ADGRL2: variants seen among roughly 807,000 people sequenced by gnomAD.
ADGRL2 encodes calcium-independent alpha-latrotoxin receptor 2.
In ADGRL2, 44 loss-of-function variants were observed where a neutral mutation model predicts 157.4. The ratio of observed to expected loss-of-function variants is 0.28; its 90% CI spans 0.22 to 0.36. The LOEUF (loss-of-function observed/expected upper bound fraction) is 0.36, where lower values mean the gene tolerates loss of function less well. ADGRL2 is among the 10% of genes least tolerant of loss of function. ADGRL2 has a pLI of 1.00. For synonymous variants in ADGRL2, 585 were observed against 624.7 expected, an observed-to-expected ratio of 0.94 and a Z score of 0.95; for missense variants, 1,510 against 1,768.9, an observed-to-expected ratio of 0.85 and a Z score of 2.63.
intron 1 of ADGRL2, among the ~76,000 whole-genome samples, chr1:81,427,922 T>A (rs1184477346): frequency 6.6e-6 from 1 of 152,152 alleles, no homozygotes; most frequent in African/African-American, 2.4e-5. Context: ...TTTCATTTCA[T>A]CAGGTATATT....
chr1:81,911,161 C>T (rs2094711906), intron 3 of ADGRL2, among the ~76,000 whole-genome samples: 1 of 152,034 alleles, frequency 6.6e-6, no homozygotes, highest in Non-Finnish European at 1.5e-5. Context: ...AAGTGTGAAA[C>T]TAAAGGCTCT....
At chr1:81,468,018 T>C (rs367586489) in intron 2 of ADGRL2, among the ~76,000 whole-genome samples, 1 of 152,196 alleles carries the variant, frequency 6.6e-6, no homozygotes, top group East Asian at 1.9e-4. Context: ...CTTAGCTATT[T>C]AAGACTTGAA....
intron 1 of ADGRL2, among the ~76,000 whole-genome samples, chr1:81,374,578 G>GAAAAAAAAACAACAAA (rs1553158623): frequency 3.1e-5 from 4 of 130,256 alleles, no homozygotes; most frequent in East Asian, 2.2e-4. Context: ...TCTCAAAAAA[G>GAAAAAAAAACAACAAA]AAAAAAAAAA....
At chr1:81,606,685 C>T (rs1489025448) in intron 3 of ADGRL2, among the ~76,000 whole-genome samples, 1 of 152,042 alleles carries the variant, frequency 6.6e-6, no homozygotes, top group Non-Finnish European at 1.5e-5. Flanking sequence ...CCCTGTCTCT[C>T]ACACACATAC....
chr1:81,950,585 T>A, intron 7 of ADGRL2, 103 bp downstream of exon 7: 1 of 1,108,452 alleles, frequency 9.0e-7, no homozygotes, highest in Non-Finnish European at 1.3e-6. Flanking sequence ...TTACAGTAGC[T>A]AACTTTATTT....
At chr1:81,477,386 C>A (rs2078294749) in intron 2 of ADGRL2, among the ~76,000 whole-genome samples, 1 of 152,214 alleles carries the variant, frequency 6.6e-6, no homozygotes, top group African/African-American at 2.4e-5. Context: ...AATGTGGATT[C>A]ATTCTGTTTC....
rs139173177 is a variant in ADGRL2, at chr1:81,430,095, G to A, written c.-301-14941G>A. On this transcript the variant is annotated intron_variant, in intron 1 of 24. Coordinates refer to the ADGRL2 transcript ENST00000370721. ...TTCAGTAGAGACGGGGTTTTTCCAT[G>A]TTGGTCAGGCTGGTTTCGAACTCCC... is the stretch of plus-strand genomic sequence containing the variant. Among the ~76,000 whole-genome samples the A allele has an allele frequency of 2.3e-3, 345 of 152,264 alleles. 1 individual carries two copies. Among genetic ancestry groups the A allele is most frequent in the African/African-American group, 7.9e-3 (329 of 41,554 alleles).
intron 3 of ADGRL2, among the ~76,000 whole-genome samples, chr1:81,658,729 A>G (rs2082588205): frequency 6.6e-6 from 1 of 152,072 alleles, no homozygotes; most frequent in African/African-American, 2.4e-5. Flanking sequence ...ATATGCAACT[A>G]GCTCTATTGA....
intron 1 of ADGRL2, among the ~76,000 whole-genome samples, chr1:81,405,478 G>A (rs563286947): frequency 1.3e-5 from 2 of 151,802 alleles, no homozygotes; most frequent in African/African-American, 2.4e-5. Context: ...GACCAGATCC[G>A]GTCTCCATGA....
At chr1:81,742,695 A>G (rs1314256777) in intron 1 of ADGRL2, among the ~76,000 whole-genome samples, 2 of 152,084 alleles carry the variant, frequency 1.3e-5, no homozygotes, top group African/African-American at 2.4e-5. Context: ...CCCCTAGCGT[A>G]CTAAGAGATT....
At chr1:81,824,027 A>T (rs1215288175) in intron 1 of ADGRL2, among the ~76,000 whole-genome samples, 1 of 152,192 alleles carries the variant, frequency 6.6e-6, no homozygotes, top group African/African-American at 2.4e-5. Context: ...TAGTCATCAG[A>T]ATCACAAAGT....
In ADGRL2 at chr1:81,501,811, A is replaced by AGCAGCAGCAGCAGCAGCAGCAGCAGCAG. The variant is rs57360565; in HGVS notation, c.-248+56722_-248+56723insGCAGCAGCAGCAGCAGCAGCAGCAGCAG. The AGCAGCAGCAGCAGCAGCAGCAGCAGCAG allele has an allele frequency of 5.5e-5, 85 of 1,558,464 alleles. No homozygotes were observed. The African/African-American group carries it at 6.3e-4, about 12-fold the overall frequency. On this transcript the variant is annotated intron_variant, in intron 2 of 24. Transcript: ENST00000370721. ...AGCAGCAGCAGCAGCAGCAGCAGCA[A>AGCAGCAGCAGCAGCAGCAGCAGCAGCAG]CAGCAGCAGCAACAGAAGCAGCCAC...
chr1:81,652,703 T>C (rs1018791211), intron 3 of ADGRL2, among the ~76,000 whole-genome samples: 41 of 152,180 alleles, frequency 2.7e-4, no homozygotes, highest in African/African-American at 9.4e-4. Flanking sequence ...AGAAACTATA[T>C]GAAACAAATA....
rs397861989 is a variant in ADGRL2 at position 81,946,340 on chromosome 1, C to CTT, written c.1210+2587_1210+2588dup. On this transcript the variant is annotated intron_variant, in intron 6 of 23. Transcript: ENST00000686636. ...ACGCATATTATTTTTGTGCCTTAAT[C>CTT]TTTTTTTTTTTTTTTTTGGTGAGTT... Among the ~76,000 whole-genome samples the CTT allele has an allele frequency of 7.2e-4, 92 of 128,582 alleles. 2 individuals carry two copies. Among genetic ancestry groups the CTT allele is most frequent in the African/African-American group, 2.3e-3 (79 of 34,882 alleles). The allele number at this position is 128,582 out of a possible 152,430, so 84.4% of individuals were successfully genotyped here.
intron 1 of ADGRL2, among the ~76,000 whole-genome samples, chr1:81,329,417 C>G (rs1317408404): frequency 6.6e-6 from 1 of 152,080 alleles, no homozygotes; most frequent in Non-Finnish European, 1.5e-5. Flanking sequence ...AGCTGCTACA[C>G]AGGAAGAGGA....
intron 1 of ADGRL2, among the ~76,000 whole-genome samples, chr1:81,324,320 A>G (rs1417216977): frequency 1.4e-5 from 2 of 147,106 alleles, no homozygotes; most frequent in African/African-American, 2.6e-5. Flanking sequence ...CCCAGGCAAT[A>G]TGGCAAAACC....
At chr1:81,376,755 T>A (rs2076257804) in intron 1 of ADGRL2, among the ~76,000 whole-genome samples, 1 of 152,198 alleles carries the variant, frequency 6.6e-6, no homozygotes, top group Non-Finnish European at 1.5e-5. Context: ...CAGGGGCTGA[T>A]CAGCCTCTTC....
At chr1:81,364,778 C>A (rs563588986) in intron 1 of ADGRL2, among the ~76,000 whole-genome samples, 5 of 151,756 alleles carry the variant, frequency 3.3e-5, no homozygotes, top group African/African-American at 9.7e-5. Flanking sequence ...CAGCTCACTG[C>A]AACCTACACC....
chr1:81,588,840 G>A (rs140417929), intron 3 of ADGRL2, among the ~76,000 whole-genome samples: 289 of 152,184 alleles, frequency 1.9e-3, no homozygotes, highest in African/African-American at 6.6e-3. Context: ...TTTTGTGCCC[G>A]CTAGTCTATT....
Sources: allele counts gnomAD v4.1 joint callset (sites outside exome capture counted in the v4.1 genomes callset), GRCh38; gene constraint gnomAD v4.1.1; transcripts MANE v1.5; gene names NCBI Gene and HGNC (gene_info 2026-07-23, HGNC 2026-07-21).